Variants in GALNT17 observed in about 807,000 individuals in gnomAD.
GALNT17 encodes UDP-GalNAc:polypeptide N-acetylgalactosaminyltransferase-like 3.
In GALNT17, 29 loss-of-function variants were observed where a neutral mutation model predicts 63.7. That is an observed-to-expected ratio of 0.46 (90% CI 0.34 to 0.62). The LOEUF (loss-of-function observed/expected upper bound fraction) is 0.62, where lower values mean the gene tolerates loss of function less well. Ranked by LOEUF, GALNT17 falls within the 20% of genes least tolerant of loss-of-function variation. GALNT17 has a pLI of 0.01. For synonymous variants in GALNT17, 305 were observed against 318.3 expected (o/e 0.96, Z 0.45); for missense variants, 603 against 799.6 (o/e 0.75, Z 2.97).
At chr7:71,296,640 T>C (rs1255787438) in intron 1 of GALNT17, among the ~76,000 whole-genome samples, 1 of 151,190 alleles carries the variant, frequency 6.6e-6, no homozygotes, top group African/African-American at 2.4e-5. Context: ...TATATATATA[T>C]ATGTATATTT....
At chr7:71,572,634 C>T (rs767366535) in intron 6 of GALNT17, among the ~76,000 whole-genome samples, 26 of 151,476 alleles carry the variant, frequency 1.7e-4, no homozygotes, top group Non-Finnish European at 3.1e-4. Context: ...CATCTAATTA[C>T]CACTGTGTGT....
chr7:71,368,194 T>C (rs1390974359), intron 2 of GALNT17, among the ~76,000 whole-genome samples: 1 of 152,258 alleles, frequency 6.6e-6, no homozygotes, highest in East Asian at 1.9e-4. Context: ...ACACATGCTC[T>C]GTGTAATGTC....
chr7:71,631,564 T>C (rs1158202216), intron 6 of GALNT17, among the ~76,000 whole-genome samples: 1 of 152,078 alleles, frequency 6.6e-6, no homozygotes, highest in African/African-American at 2.4e-5. Context: ...GTGGGAAGGA[T>C]GGGAAATTCA....
At position 71,495,483 on chromosome 7, in the gene GALNT17, G is replaced by A. The variant is rs142271251; in HGVS notation, c.962+74378G>A. Among the ~76,000 whole-genome samples the A allele has an allele frequency of 9.1e-3, 1,380 of 152,192 alleles. 51 individuals carry two copies. The highest frequency in any genetic ancestry group is 0.061 in the Admixed American group (929 of 15,276). On this transcript the variant is annotated intron_variant, in intron 5 of 10. Transcript: ENST00000333538. ...TAACATAATTAATCAAAATAACCTC[G>A]GTGGGGAGGCATTATTATTATCATT...
At chr7:71,643,694 GC>G (rs1233480039) in intron 6 of GALNT17, among the ~76,000 whole-genome samples, 2 of 152,182 alleles carry the variant, frequency 1.3e-5, no homozygotes, top group African/African-American at 2.4e-5. Flanking sequence ...CGAGCTGATT[GC>G]AGCAGCAGAA....
At chr7:71,269,183 G>T (rs1194151221) in intron 1 of GALNT17, among the ~76,000 whole-genome samples, 1 of 152,184 alleles carries the variant, frequency 6.6e-6, no homozygotes, top group Admixed American at 6.5e-5. Flanking sequence ...AGCCTTTTGT[G>T]GCCAGGCATC....
At chr7:71,335,425 T>G in intron 1 of GALNT17, 125 bp from the exon 2 acceptor site, 1 of 975,476 alleles carries the variant, frequency 1.0e-6, no homozygotes, top group Non-Finnish European at 1.4e-6. Flanking sequence ...GTTGGATAAA[T>G]TGAGGACATC....
At chr7:71,234,774 C>T (rs890970704) in intron 1 of GALNT17, among the ~76,000 whole-genome samples, 1 of 152,112 alleles carries the variant, frequency 6.6e-6, no homozygotes, top group African/African-American at 2.4e-5. Flanking sequence ...ACTGTTCAAG[C>T]AGGTTTCCAT....
intron 1 of GALNT17, among the ~76,000 whole-genome samples, chr7:71,278,184 G>C (rs1419468647): frequency 6.6e-6 from 1 of 152,196 alleles, no homozygotes. Context: ...GTCTATGAAT[G>C]AATAGGTCCT....
chr7:71,240,676 C>CTTTTTTTTT (rs1562940440), intron 1 of GALNT17, among the ~76,000 whole-genome samples: 54 of 137,250 alleles, frequency 3.9e-4, no homozygotes, highest in South Asian at 6.7e-4. Flanking sequence ...TCTTTTTTTC[C>CTTTTTTTTT]TTTTTTTTGA....
At chr7:71,633,285 T>A (rs73371257) in intron 6 of GALNT17, among the ~76,000 whole-genome samples, 11,549 of 152,060 alleles carry the variant, frequency 0.076, 553 homozygotes, top group African/African-American at 0.14. Context: ...TTTCCCAATA[T>A]GGAACACTCT....
At chr7:71,646,792 G>C (rs952321632) in intron 6 of GALNT17, among the ~76,000 whole-genome samples, 2 of 147,764 alleles carry the variant, frequency 1.4e-5, no homozygotes, top group African/African-American at 5.2e-5. Context: ...TGTCACCCAG[G>C]CTGGAGTGCA....
At chr7:71,133,112 T>C in intron 1 of GALNT17, 72 bp downstream of exon 1, 1 of 1,300,132 alleles carries the variant, frequency 7.7e-7, no homozygotes, top group Non-Finnish European at 1.0e-6. Context: ...CCAGGGTCCT[T>C]GCGCGCTGCG....
intron 2 of GALNT17, among the ~76,000 whole-genome samples, chr7:71,368,098 G>A (rs1249049370): frequency 1.3e-5 from 2 of 152,200 alleles, no homozygotes; most frequent in Non-Finnish European, 2.9e-5. Context: ...ACGTGGGGAG[G>A]GGGAGGATTG....
chr7:71,319,760 A>T (rs906564967), intron 1 of GALNT17, among the ~76,000 whole-genome samples: 1 of 152,200 alleles, frequency 6.6e-6, no homozygotes, highest in Non-Finnish European at 1.5e-5. Flanking sequence ...CAAGCCGTAC[A>T]TGTATAAGTG....
At position 71,548,548 on chromosome 7, in the gene GALNT17, C is replaced by T. The variant is rs375068882; in HGVS notation, c.963-22737C>T. On this transcript the variant is annotated intron_variant, in intron 5 of 10. Transcript: ENST00000333538. ...GCTGTTCTCTTGATAGTGAATAAGT[C>T]TCATGAGATCTGATGGTCTTATAAA... 3.8e-4 allele frequency among the ~76,000 whole-genome samples: 58 copies of T among 152,266 alleles called. No individual in the cohort carries two copies. In the South Asian group the frequency reaches 8.5e-3, roughly 22 times the overall value.
intron 6 of GALNT17, among the ~76,000 whole-genome samples, chr7:71,591,319 G>A (rs1362574964): frequency 6.6e-6 from 1 of 152,150 alleles, no homozygotes; most frequent in Non-Finnish European, 1.5e-5. Flanking sequence ...GCCTCCCAGA[G>A]TGCTGGGATT....
chr7:71,240,538 T>G (rs1254117993), intron 1 of GALNT17, among the ~76,000 whole-genome samples: 2 of 152,252 alleles, frequency 1.3e-5, no homozygotes, highest in Non-Finnish European at 2.9e-5. Context: ...TTTGGTTTTC[T>G]GTGTCTGCAT....
At chr7:71,315,234 A>T (rs370622902) in intron 1 of GALNT17, among the ~76,000 whole-genome samples, 1 of 152,188 alleles carries the variant, frequency 6.6e-6, no homozygotes, top group Non-Finnish European at 1.5e-5. Flanking sequence ...ATCATATTCC[A>T]TTGTATGGAT....
Sources: allele counts gnomAD v4.1 joint callset (sites outside exome capture counted in the v4.1 genomes callset), GRCh38; gene constraint gnomAD v4.1.1; transcripts MANE v1.5; gene names NCBI Gene and HGNC (gene_info 2026-07-23, HGNC 2026-07-21).